The following TEX9 variants were observed in gnomAD, a reference collection of about 807,000 sequenced individuals.
TEX9 encodes testis-expressed protein 9.
A neutral mutation model predicts 59.6 loss-of-function variants in TEX9; 74 were observed. The observed-to-expected ratio is 1.24, with a 90% CI of 1.03 to 1.51. The LOEUF (loss-of-function observed/expected upper bound fraction) is 1.51. Ranked by LOEUF, TEX9 falls within the 40% of genes most tolerant of loss-of-function variation. The pLI, the probability that TEX9 is intolerant of heterozygous loss-of-function variation, is 0.00. For missense variants in TEX9, 522 were observed against 447.8 expected (o/e 1.17, Z -1.49); for synonymous variants, 186 against 152.2 (o/e 1.22, Z -1.64).
chr15:56,365,292 C>T (rs1448415778), upstream of TEX9: 3 of 956,610 alleles, frequency 3.1e-6, no homozygotes, highest in Non-Finnish European at 4.6e-6. Flanking sequence ...CCGAGTGCTG[C>T]GAGCAAAGGC....
At chr15:56,451,084 TATTGA>T in the TEX9 span, among the ~76,000 whole-genome samples, 1 of 152,224 alleles carries the variant, frequency 6.6e-6, no homozygotes, top group Non-Finnish European at 1.5e-5. Context: ...TTTTTAAAAT[TATTGA>T]ATTGTAAGAG....
At chr15:56,388,598 G>C (rs1347601018) in intron 5 of TEX9, 78 bp downstream of exon 5, 1 of 1,219,584 alleles carries the variant, frequency 8.2e-7, no homozygotes, top group African/African-American at 1.5e-5. Context: ...CTTAGACAAA[G>C]CAGAGAAGGG....
intron 1 of TEX9, among the ~76,000 whole-genome samples, chr15:56,352,319 G>A (rs545313260): frequency 6.6e-6 from 1 of 151,996 alleles, no homozygotes; most frequent in South Asian, 2.1e-4. Context: ...ATCTTAACTC[G>A]CTGCAATCCC....
chr15:56,455,885 C>T, the TEX9 span, among the ~76,000 whole-genome samples: 1 of 152,004 alleles, frequency 6.6e-6, no homozygotes, highest in Non-Finnish European at 1.5e-5. Context: ...ACATTTAGTG[C>T]GTTCATATAT....
chr15:56,327,997 A>G (rs1009352305), intron 1 of TEX9, among the ~76,000 whole-genome samples: 1 of 151,932 alleles, frequency 6.6e-6, no homozygotes, highest in Non-Finnish European at 1.5e-5. Flanking sequence ...CTACTGAGAC[A>G]CCAGCCAGGG....
chr15:56,417,192 T>A (rs2049734934), intron 10 of TEX9, among the ~76,000 whole-genome samples: 1 of 151,978 alleles, frequency 6.6e-6, no homozygotes, highest in Admixed American at 6.5e-5. Context: ...CATGTCTTGA[T>A]TTCCTTCAGT....
At chr15:56,274,743 C>T (rs1444981607) in intron 1 of TEX9, 1 of 151,582 alleles carries the variant, frequency 6.6e-6, no homozygotes, top group Non-Finnish European at 1.5e-5. Flanking sequence ...TTTCTCCTAC[C>T]ATTATTGTGT....
intron 12 of TEX9, chr15:56,434,231 C>A: frequency 1.2e-6 from 2 of 1,613,986 alleles, no homozygotes; most frequent in Non-Finnish European, 1.7e-6. Context: ...TCTGAGCATT[C>A]ATTAATTCTA....
chr15:56,337,797 T>A (rs536020499), intron 1 of TEX9, among the ~76,000 whole-genome samples: 24 of 152,362 alleles, frequency 1.6e-4, no homozygotes, highest in Non-Finnish European at 2.8e-4. Flanking sequence ...TTTTTTGGTT[T>A]TCTTCCTATA....
chr15:56,318,139 A>G (rs1314079826), intron 1 of TEX9, among the ~76,000 whole-genome samples: 1 of 151,946 alleles, frequency 6.6e-6, no homozygotes, highest in Non-Finnish European at 1.5e-5. Context: ...TCTTTGCTTT[A>G]TATATTTTGA....
At chr15:56,431,025 G>A (rs1596249570) in intron 12 of TEX9, among the ~76,000 whole-genome samples, 1 of 152,286 alleles carries the variant, frequency 6.6e-6, no homozygotes, top group Admixed American at 6.5e-5. Context: ...GCTGGGTGTG[G>A]TGGCAAACGC....
intron 7 of TEX9, chr15:56,393,946 A>T (rs2048332467): frequency 2.8e-6 from 1 of 358,410 alleles, no homozygotes; most frequent in Admixed American, 5.1e-5. Flanking sequence ...CTGCAAACTT[A>T]TGTGAATACT....
intron 10 of TEX9, among the ~76,000 whole-genome samples, chr15:56,420,863 A>G (rs183992728): frequency 6.6e-6 from 1 of 151,906 alleles, no homozygotes; most frequent in African/African-American, 2.4e-5. Flanking sequence ...TTTTCCCCAG[A>G]TACCATTCTT....
At chr15:56,298,265 A>C (rs931195990) in intron 1 of TEX9, among the ~76,000 whole-genome samples, 1 of 152,246 alleles carries the variant, frequency 6.6e-6, no homozygotes, top group Admixed American at 6.5e-5. Context: ...GTATTTGAGC[A>C]GTATCAAGTA....
At chr15:56,286,359 G>A (rs2044953173) in intron 1 of TEX9, among the ~76,000 whole-genome samples, 1 of 152,188 alleles carries the variant, frequency 6.6e-6, no homozygotes, top group South Asian at 2.1e-4. Context: ...ACTGAGGATA[G>A]GCGATGAAAA....
chr15:56,425,181 G>A (rs1249592964), intron 10 of TEX9, among the ~76,000 whole-genome samples: 1 of 152,068 alleles, frequency 6.6e-6, no homozygotes, highest in African/African-American at 2.4e-5. Context: ...CTCTTTGTCT[G>A]ACACTCGACT....
chr15:56,265,171 T>C (rs1453944208), intron 1 of TEX9, among the ~76,000 whole-genome samples: 1 of 151,076 alleles, frequency 6.6e-6, no homozygotes, highest in Non-Finnish European at 1.5e-5. Flanking sequence ...TTCTTTTTTT[T>C]TTTTTTTTAA....
At chr15:56,256,658 AAG>A (rs369839889) in intron 1 of TEX9, among the ~76,000 whole-genome samples, 5 of 152,174 alleles carry the variant, frequency 3.3e-5, no homozygotes, top group East Asian at 1.9e-4. Context: ...AGGTTAAAAA[AAG>A]AGAGAGTTAT....
At chr15:56,298,842 T>A (rs1223949030) in intron 1 of TEX9, among the ~76,000 whole-genome samples, 1 of 152,224 alleles carries the variant, frequency 6.6e-6, no homozygotes, top group Non-Finnish European at 1.5e-5. Context: ...CAATAAACAA[T>A]CAATTCTCAA....
Sources: allele counts gnomAD v4.1 joint callset (sites outside exome capture counted in the v4.1 genomes callset), GRCh38; gene constraint gnomAD v4.1.1; transcripts MANE v1.5; gene names NCBI Gene and HGNC (gene_info 2026-07-23, HGNC 2026-07-21).